MOB4: variants seen among roughly 807,000 people sequenced by gnomAD.
The protein encoded by MOB4 is MOB family member 4, phocein.
In MOB4, 4 loss-of-function variants were observed where a neutral mutation model predicts 32.2. That is an observed-to-expected ratio of 0.12 (90% CI 0.06 to 0.28). MOB4 has a LOEUF of 0.28. Ranked by LOEUF, MOB4 falls within the 10% of genes least tolerant of loss-of-function variation. The pLI, the probability that MOB4 is intolerant of heterozygous loss-of-function variation, is 1.00. For missense variants in MOB4, 158 were observed against 271.2 expected, an observed-to-expected ratio of 0.58 and a Z score of 2.93; for synonymous variants, 88 against 88.1, an observed-to-expected ratio of 1.00 and a Z score of 0.01.
intron 7 of MOB4, 33 bp from the exon 8 acceptor site, chr2:197,550,482 A>G (rs754206265): frequency 1.9e-6 from 3 of 1,580,584 alleles, no homozygotes; most frequent in Non-Finnish European, 2.6e-6. Context: ...GGGATAGTGA[A>G]TTAAAATAAC....
At chr2:197,541,339 T>C (rs181974393) in intron 5 of MOB4, among the ~76,000 whole-genome samples, 3 of 152,354 alleles carry the variant, frequency 2.0e-5, no homozygotes, top group African/African-American at 7.2e-5. Flanking sequence ...TCCCATTTAA[T>C]CTGTTATAAT....
rs527757562 is a variant in MOB4 at position 197,529,195 on chromosome 2, C to G, written c.123+5509C>G. On this transcript the variant is annotated intron_variant, in intron 2 of 7. Coordinates refer to ENST00000323303, the MANE Select transcript of MOB4 (RefSeq NM_015387.5). ...GTTTCACCATGTTGGTCAAGCTGGTCTTGAACTCTTGACTTGCCTGCCTCA... is the reference window on the plus strand; with the variant it reads ...GTTTCACCATGTTGGTCAAGCTGGTGTTGAACTCTTGACTTGCCTGCCTCA... Among the ~76,000 whole-genome samples, 234 of 152,006 alleles carry G rather than the reference C, an allele frequency of 1.5e-3. 1 individual carries two copies. The highest frequency in any genetic ancestry group is 2.7e-3 in the South Asian group (13 of 4,820).
At chr2:197,546,047 C>T (rs1287309084) in intron 5 of MOB4, among the ~76,000 whole-genome samples, 1 of 151,888 alleles carries the variant, frequency 6.6e-6, no homozygotes, top group Non-Finnish European at 1.5e-5. Context: ...TTCACGTTAC[C>T]TTTTTATTTT....
intron 2 of MOB4, among the ~76,000 whole-genome samples, chr2:197,530,821 C>A (rs1353857730): frequency 6.6e-6 from 1 of 151,918 alleles, no homozygotes; most frequent in Non-Finnish European, 1.5e-5. Context: ...GTCTCTAACT[C>A]CTGAGCTTGA....
In MOB4 at chr2:197,540,289, C is replaced by G. The variant is rs2086875402; in HGVS notation, c.268-62C>G. 7.5e-6 allele frequency: 11 copies of G among 1,466,564 alleles called. No individual in the cohort carries two copies. In the South Asian group the frequency reaches 1.6e-4, roughly 21 times the overall value. The allele number at this position is 1,466,564 out of a possible 1,614,324, so 90.8% of individuals were successfully genotyped here. Reference sequence around the variant, plus strand: ...AGAATTTATTATGGAAATATAGTAACCTAAATGATAAGCTTTTTCATTATT... The same window carrying G: ...AGAATTTATTATGGAAATATAGTAAGCTAAATGATAAGCTTTTTCATTATT... On this transcript the variant is annotated intron_variant, in intron 4 of 7. Transcript: ENST00000323303.
intron 1 of MOB4, among the ~76,000 whole-genome samples, chr2:197,519,132 G>T (rs1273983854): frequency 1.3e-5 from 2 of 152,172 alleles, no homozygotes; most frequent in South Asian, 2.1e-4. Flanking sequence ...CTGACCTCAA[G>T]TGATCTTCCC....
chr2:197,528,282 T>C (rs1261260202), intron 2 of MOB4, among the ~76,000 whole-genome samples: 1 of 152,178 alleles, frequency 6.6e-6, no homozygotes, highest in Non-Finnish European at 1.5e-5. Context: ...ATTTTTAGTA[T>C]TCTGTTTTAA....
chr2:197,537,581 ACTT>A (rs1352183508), intron 3 of MOB4, among the ~76,000 whole-genome samples: 1 of 152,150 alleles, frequency 6.6e-6, no homozygotes. Flanking sequence ...GGATGCTAAG[ACTT>A]CTTTGTATCC....
intron 5 of MOB4, among the ~76,000 whole-genome samples, chr2:197,546,984 G>T (rs1328641749): frequency 6.6e-6 from 1 of 152,164 alleles, no homozygotes; most frequent in Non-Finnish European, 1.5e-5. Context: ...GATGGCTTAT[G>T]CCTGTAAACC....
chr2:197,550,255 G>A lies in MOB4; in HGVS notation c.435-20G>A. ...ATTCTATCCAGTTCTAAGAATCTAT[G>A]GTTTCTTTTCTACTTCTAGGGTTAG... On this transcript the variant is annotated intron_variant, in intron 6 of 7. Transcript: ENST00000323303. The A allele has an allele frequency of 1.9e-6, 3 of 1,591,550 alleles. No individual in the cohort carries two copies. The highest frequency in any genetic ancestry group is 2.6e-6 in the Non-Finnish European group (3 of 1,169,358).
intron 2 of MOB4, chr2:197,534,044 T>C: frequency 2.2e-6 from 1 of 444,728 alleles, no homozygotes; most frequent in Non-Finnish European, 4.3e-6. Context: ...AAGCTGAAAA[T>C]GTCACCATCA....
chr2:197,524,207 C>G (rs968439337), intron 2 of MOB4, among the ~76,000 whole-genome samples: 7 of 152,102 alleles, frequency 4.6e-5, no homozygotes, highest in African/African-American at 1.2e-4. Context: ...GTACTTCAAC[C>G]TGGGTGACAG....
chr2:197,544,710 A>G (rs568414696), intron 5 of MOB4, among the ~76,000 whole-genome samples: 106 of 151,860 alleles, frequency 7.0e-4, no homozygotes, highest in African/African-American at 2.4e-3. Context: ...TGGAGATCAC[A>G]TCACTGCACT....
At chr2:197,521,305 C>G (rs1202966018) in intron 1 of MOB4, among the ~76,000 whole-genome samples, 1 of 152,082 alleles carries the variant, frequency 6.6e-6, no homozygotes, top group Non-Finnish European at 1.5e-5. Context: ...TAGGGACTTT[C>G]AAAAGGGGAG....
intron 3 of MOB4, among the ~76,000 whole-genome samples, chr2:197,537,168 A>AG (rs2086814453): frequency 6.6e-6 from 1 of 152,216 alleles, no homozygotes; most frequent in African/African-American, 2.4e-5. Context: ...GTAATCCTGA[A>AG]GTAAGGAGTT....
Position 197,550,284 on chromosome 2 carries a change from A to G in MOB4, c.444A>G (p.Ile148Met), listed in dbSNP as rs1470404153. The G allele has an allele frequency of 1.9e-6, 3 of 1,612,314 alleles. No homozygotes were observed. The highest frequency in any genetic ancestry group is 8.5e-7 in the Non-Finnish European group (1 of 1,179,722). Residue 148 changes from isoleucine to methionine, a missense_variant, in exon 7 of 8, where the codon ATA becomes ATG. Ile to Met is a conservative substitution (Grantham distance 10). Transcript: ENST00000323303. ...SNKYFPSRVSIKESSVAKLGS... is the reference protein window; with the variant it reads ...SNKYFPSRVSMKESSVAKLGS... The stretch of plus-strand genomic sequence containing the variant: ...TCTTTTCTACTTCTAGGGTTAGCAT[A>G]AAGGAATCATCTGTAGCGAAACTAG...
At position 197,550,885 on chromosome 2, in the gene MOB4, T is replaced by C. The variant is rs1385716539; in HGVS notation, c.*239T>C. 5 of 250,748 alleles carry C rather than the reference T, an allele frequency of 2.0e-5. No homozygotes were observed. The highest frequency in any genetic ancestry group is 3.6e-5 in the Non-Finnish European group (5 of 139,040). 15.5% of individuals were successfully genotyped at this position (250,748 alleles called of 1,614,324 possible). A position where few individuals can be genotyped will look rare whatever the true frequency, so the allele number is the denominator to read the frequency against. The stretch of plus-strand genomic sequence containing the variant: ...TAGTATTATCTGTTTATAATGCCTG[T>C]TAATAAAAGAATTTACAGTTTGGTA... On this transcript the variant is annotated 3_prime_UTR_variant, in exon 8 of 8. Transcript: ENST00000323303.
chr2:197,550,465 T>A, intron 7 of MOB4, 50 bp from the exon 8 acceptor site: 1 of 1,583,422 alleles, frequency 6.3e-7, no homozygotes, highest in South Asian at 1.2e-5. Context: ...TTCTAGTCTT[T>A]TAGTTTGGGA....
intron 5 of MOB4, among the ~76,000 whole-genome samples, chr2:197,545,264 C>G (rs750572987): frequency 6.6e-6 from 1 of 152,180 alleles, no homozygotes; most frequent in Non-Finnish European, 1.5e-5. Flanking sequence ...ACCAAAGTCT[C>G]TTATATAAAA....
Sources: gnomAD v4.1 joint callset for allele counts (sites outside exome capture counted in the v4.1 genomes callset) on GRCh38, gnomAD v4.1.1 for gene constraint, MANE v1.5 for transcripts, NCBI Gene and HGNC (gene_info 2026-07-23, HGNC 2026-07-21) for gene names.